Variants in MECOM observed in about 807,000 individuals in gnomAD.
MECOM encodes the protein MDS1 and EVI1 complex locus, also known as histone-lysine N-methyltransferase MECOM.
Under a neutral mutation model 116.3 loss-of-function variants are expected in MECOM, and 13 were observed. The ratio of observed to expected loss-of-function variants is 0.11; its 90% CI spans 0.07 to 0.18. The LOEUF (loss-of-function observed/expected upper bound fraction) is 0.18. Ranked by LOEUF, MECOM falls within the 10% of genes least tolerant of loss-of-function variation. The pLI is 1.00. For missense variants in MECOM, 1,299 were observed against 1,509.0 expected, an observed-to-expected ratio of 0.86 and a Z score of 2.31; for synonymous variants, 528 against 535.2, an observed-to-expected ratio of 0.99 and a Z score of 0.19.
chr3:169,292,462 G>T (rs919082814), intron 2 of MECOM, among the ~76,000 whole-genome samples: 1 of 152,174 alleles, frequency 6.6e-6, no homozygotes, highest in African/African-American at 2.4e-5. Context: ...ACTCAGGATT[G>T]ATTGTTTCAA....
At chr3:169,150,253 G>C (rs1740983278) in intron 2 of MECOM, among the ~76,000 whole-genome samples, 1 of 152,150 alleles carries the variant, frequency 6.6e-6, no homozygotes, top group Admixed American at 6.6e-5. Flanking sequence ...AGGAAAGAAG[G>C]TTAGAGGAAA....
At chr3:169,274,843 T>C (rs1205226917) in intron 2 of MECOM, among the ~76,000 whole-genome samples, 1 of 152,214 alleles carries the variant, frequency 6.6e-6, no homozygotes, top group Non-Finnish European at 1.5e-5. Flanking sequence ...GAAAGTTCTA[T>C]TGGGCATCTC....
chr3:169,193,074 A>G (rs10804830), intron 2 of MECOM, among the ~76,000 whole-genome samples: 122,312 of 151,826 alleles, frequency 0.81, 49,372 homozygotes, highest in East Asian at 0.95. Context: ...TAAAAGTAGA[A>G]AGTCTGTAAA....
intron 2 of MECOM, among the ~76,000 whole-genome samples, chr3:169,373,310 AT>A (rs1043459042): frequency 6.6e-6 from 1 of 152,024 alleles, no homozygotes; most frequent in African/African-American, 2.4e-5. Flanking sequence ...ACCAGACCAT[AT>A]ATTTTGGTCT....
At chr3:169,433,690 A>G (rs568114843) in intron 1 of MECOM, among the ~76,000 whole-genome samples, 1 of 90,404 alleles carries the variant, frequency 1.1e-5, no homozygotes, top group African/African-American at 4.2e-5. Flanking sequence ...AGAAAGAAAG[A>G]GAAAGAAAGA....
In MECOM at chr3:169,307,454, G is replaced by A. The variant is rs189368042; in HGVS notation, c.375+73733C>T. Among the ~76,000 whole-genome samples, 13 of 152,230 alleles carry A rather than the reference G, an allele frequency of 8.5e-5. No individual in the cohort carries two copies. The East Asian group carries it at 2.5e-3, about 29-fold the overall frequency. ...CTGGGTGTGGTGGCATGTGCCTGTG[G>A]TCCCGGCTACTTGGGAGGCTGAGAG... On this transcript the variant is annotated intron_variant, in intron 2 of 16. Coordinates refer to ENST00000651503, the MANE Select transcript of MECOM (RefSeq NM_004991.4).
chr3:169,137,174 G>C (rs1736604220), intron 3 of MECOM, among the ~76,000 whole-genome samples: 1 of 152,066 alleles, frequency 6.6e-6, no homozygotes, highest in Non-Finnish European at 1.5e-5. Context: ...TGGAACTTCA[G>C]CAATTGGAGG....
chr3:169,584,006 A>C (rs1181883383), intron 1 of MECOM, among the ~76,000 whole-genome samples: 1 of 152,176 alleles, frequency 6.6e-6, no homozygotes, highest in East Asian at 1.9e-4. Context: ...AACTGGCCAA[A>C]TCCTGGCCAC....
rs529755527 is a variant in MECOM at position 169,110,387 on chromosome 3, T to A, written c.2577+2400A>T. ...CACATGCCAAGCACAATGCTAAATA[T>A]GTTGCGTACATAAATGCCAGCTCTT... is the stretch of plus-strand genomic sequence containing the variant. On this transcript the variant is annotated intron_variant, in intron 9 of 16. Coordinates refer to ENST00000651503, the MANE Select transcript of MECOM (RefSeq NM_004991.4). Among the ~76,000 whole-genome samples, 6 of 152,164 alleles carry A rather than the reference T, an allele frequency of 3.9e-5. 1 individual carries two copies.
intron 1 of MECOM, among the ~76,000 whole-genome samples, chr3:169,460,958 A>T (rs1054097993): frequency 6.6e-6 from 1 of 152,146 alleles, no homozygotes; most frequent in Non-Finnish European, 1.5e-5. Flanking sequence ...CCTTTTTGGA[A>T]AATAATCCTT....
At chr3:169,149,715 C>A (rs941363062) in intron 2 of MECOM, 1 of 464,598 alleles carries the variant, frequency 2.2e-6, no homozygotes, top group Non-Finnish European at 4.3e-6. Flanking sequence ...CAAATACAAC[C>A]AAGAGTGAAC....
chr3:169,311,165 G>A lies in MECOM; in HGVS notation c.375+70022C>T, dbSNP rs139385440. On this transcript the variant is annotated intron_variant, in intron 2 of 16. Coordinates refer to ENST00000651503, the MANE Select transcript of MECOM (RefSeq NM_004991.4). ...AGCACATCAGAGAGCTTTGAGCACC[G>A]GATAATAACTATATTCAATTATGTC... Among the ~76,000 whole-genome samples, 391 of 152,142 alleles carry A rather than the reference G, an allele frequency of 2.6e-3. 2 individuals carry two copies. Among genetic ancestry groups the A allele is most frequent in the Middle Eastern group, 0.014 (4 of 294 alleles).
chr3:169,322,771 G>C (rs184350985), intron 2 of MECOM, among the ~76,000 whole-genome samples: 127 of 152,098 alleles, frequency 8.3e-4, no homozygotes, highest in Admixed American at 1.7e-3. Context: ...GCCGAGTCAG[G>C]CATATCACCT....
intron 1 of MECOM, among the ~76,000 whole-genome samples, chr3:169,426,305 A>C (rs1207247334): frequency 1.3e-5 from 2 of 152,228 alleles, no homozygotes; most frequent in Admixed American, 1.3e-4. Context: ...AGGTAAGTAC[A>C]TGCTCCTTTG....
chr3:169,485,137 G>C (rs1240739706), intron 1 of MECOM, among the ~76,000 whole-genome samples: 2 of 152,046 alleles, frequency 1.3e-5, no homozygotes, highest in Non-Finnish European at 2.9e-5. Flanking sequence ...TGGGATTACA[G>C]GCATGCACCA....
rs566787324 is a variant in MECOM at position 169,334,188 on chromosome 3, T to C, written c.375+46999A>G. 7.2e-5 allele frequency among the ~76,000 whole-genome samples: 11 copies of C among 152,294 alleles called. No individual in the cohort carries two copies. In the East Asian group the frequency reaches 2.1e-3, roughly 29 times the overall value. On this transcript the variant is annotated intron_variant, in intron 2 of 16. Coordinates refer to ENST00000651503, the MANE Select transcript of MECOM (RefSeq NM_004991.4). Reference sequence around the variant, plus strand: ...TATCCAGTCAATTTGCATAACTATTTTTAGCTACTCATTTGTATTTTCCTC... The same window carrying C: ...TATCCAGTCAATTTGCATAACTATTCTTAGCTACTCATTTGTATTTTCCTC...
chr3:169,460,266 G>C (rs997463254), intron 1 of MECOM, among the ~76,000 whole-genome samples: 2 of 152,084 alleles, frequency 1.3e-5, no homozygotes, highest in African/African-American at 4.8e-5. Flanking sequence ...AACAAATAGT[G>C]AATGGGCCCT....
intron 2 of MECOM, among the ~76,000 whole-genome samples, chr3:169,314,025 AG>A (rs1271862787): frequency 1.3e-5 from 2 of 152,190 alleles, no homozygotes; most frequent in Admixed American, 6.5e-5. Context: ...TCAGAATGTA[AG>A]GTTCCTTATG....
chr3:169,145,019 G>C, intron 2 of MECOM: 1 of 1,558,290 alleles, frequency 6.4e-7, no homozygotes, highest in Non-Finnish European at 8.7e-7. Context: ...GAAAAACCCA[G>C]TGCTCCAAGG....
Sources: gnomAD v4.1 joint callset for allele counts (sites outside exome capture counted in the v4.1 genomes callset) on GRCh38, gnomAD v4.1.1 for gene constraint, MANE v1.5 for transcripts, NCBI Gene and HGNC (gene_info 2026-07-23, HGNC 2026-07-21) for gene names.